The following NUP93 variants were observed in gnomAD, a reference collection of about 807,000 sequenced individuals.
The protein encoded by NUP93 is nucleoporin 93, also known as nuclear pore complex protein Nup93.
In NUP93, 55 loss-of-function variants were observed where a neutral mutation model predicts 107.8. The observed-to-expected ratio is 0.51, with a 90% confidence interval of 0.41 to 0.64. The LOEUF (loss-of-function observed/expected upper bound fraction) is 0.64. NUP93 is among the 30% of genes least tolerant of loss of function. The pLI, the probability that NUP93 is intolerant of heterozygous loss-of-function variation, is 0.00. For missense variants in NUP93, 937 were observed against 1,044.7 expected (o/e 0.90, Z 1.42); for synonymous variants, 390 against 397.5 (o/e 0.98, Z 0.22).
intron 6 of NUP93, 150 bp downstream of exon 6, chr16:56,818,888 C>G: frequency 1.6e-6 from 1 of 627,492 alleles, no homozygotes; most frequent in Admixed American, 3.0e-5. Flanking sequence ...GCATAGGCCA[C>G]TGGAGAATTC....
chr16:56,784,449 A>T (rs1166029119), intron 3 of NUP93, among the ~76,000 whole-genome samples: 1 of 152,206 alleles, frequency 6.6e-6, no homozygotes, highest in Non-Finnish European at 1.5e-5. Flanking sequence ...AGTGCCTTCT[A>T]CTTAATTAAT....
At chr16:56,808,644 A>C (rs1596823669) in intron 5 of NUP93, among the ~76,000 whole-genome samples, 1 of 136,174 alleles carries the variant, frequency 7.3e-6, no homozygotes, top group East Asian at 2.1e-4. Context: ...ATTTATATAA[A>C]TATATAAAAA....
chr16:56,831,108 G>A (rs1403727230), intron 10 of NUP93, among the ~76,000 whole-genome samples: 4 of 152,220 alleles, frequency 2.6e-5, no homozygotes, highest in Non-Finnish European at 4.4e-5. Context: ...GCTAGAATTA[G>A]AAGTTAGTAA....
At chr16:56,773,503 C>G (rs1962358797) in intron 3 of NUP93, among the ~76,000 whole-genome samples, 1 of 152,202 alleles carries the variant, frequency 6.6e-6, no homozygotes, top group African/African-American at 2.4e-5. Flanking sequence ...GTTTAATTTC[C>G]TCCTCCATTC....
At chr16:56,818,431 C>G (rs1963477427) in intron 5 of NUP93, among the ~76,000 whole-genome samples, 1 of 152,162 alleles carries the variant, frequency 6.6e-6, no homozygotes, top group African/African-American at 2.4e-5. Flanking sequence ...GTTTATGCAG[C>G]CCCTCACTCT....
intron 12 of NUP93, among the ~76,000 whole-genome samples, chr16:56,832,840 C>T (rs535916298): frequency 1.3e-5 from 2 of 152,286 alleles, no homozygotes; most frequent in African/African-American, 4.8e-5. Context: ...TGTGAGTAAA[C>T]TGAAACTCCT....
chr16:56,806,351 ACT>A (rs1296141720), intron 5 of NUP93, among the ~76,000 whole-genome samples: 8 of 151,472 alleles, frequency 5.3e-5, no homozygotes, highest in Admixed American at 5.3e-4. Flanking sequence ...CACTTTTAAC[ACT>A]CTGGTACAAA....
At chr16:56,828,604 A>C (rs1413543459) in intron 8 of NUP93, among the ~76,000 whole-genome samples, 3 of 152,236 alleles carry the variant, frequency 2.0e-5, no homozygotes, top group Non-Finnish European at 4.4e-5. Flanking sequence ...TCATTGAACT[A>C]TTCTTTTAAT....
rs188243427 is a variant in NUP93 at position 56,830,599 on chromosome 16, C to T, written c.999C>T (p.Ala333=). Residue 333 remains alanine (A), a synonymous_variant, in exon 10 of 22, where the codon GCC becomes GCT. Coordinates refer to ENST00000308159, the MANE Select transcript of NUP93 (RefSeq NM_014669.5). ...GCATGCGCTGTGGAGACCTGCTTGC[C>T]GCTTCACAGGTAGTTAATCGAGCCC... ...YYCMRCGDLL[A]ASQVVNRAQH... 292 of 1,610,994 alleles carry T rather than the reference C, an allele frequency of 1.8e-4. 3 individuals carry two copies. The Admixed American group carries it at 4.3e-3, about 24-fold the overall frequency.
At chr16:56,813,247 C>T (rs1326318579) in intron 5 of NUP93, among the ~76,000 whole-genome samples, 1 of 152,184 alleles carries the variant, frequency 6.6e-6, no homozygotes, top group East Asian at 1.9e-4. Flanking sequence ...TTTTACATCT[C>T]AACATCTCTC....
intron 6 of NUP93, among the ~76,000 whole-genome samples, chr16:56,819,575 T>G (rs890777170): frequency 1.3e-5 from 2 of 152,132 alleles, no homozygotes; most frequent in African/African-American, 4.8e-5. Flanking sequence ...ATTATCCACC[T>G]CATCCTCCTC....
chr16:56,730,515 C>T (rs528771296), intron 1 of NUP93, among the ~76,000 whole-genome samples: 4 of 152,282 alleles, frequency 2.6e-5, no homozygotes, highest in African/African-American at 4.8e-5. Flanking sequence ...CCTGCCCTCA[C>T]CTCCACCTCG....
chr16:56,828,388 T>C (rs1963713037), intron 8 of NUP93, among the ~76,000 whole-genome samples: 1 of 152,102 alleles, frequency 6.6e-6, no homozygotes, highest in Non-Finnish European at 1.5e-5. Context: ...AATGTTAAGT[T>C]TCTTGGTATC....
In NUP93 at chr16:56,743,345, C is replaced by T. The variant is rs543211419; in HGVS notation, c.-14-4889C>T. ...TTTTAGACACTAAATGACAGGTGAA[C>T]GCAGACCAGCATGAGGAAGTAGAAG... On this transcript the variant is annotated intron_variant, in intron 1 of 21. Transcript: ENST00000308159. Among the ~76,000 whole-genome samples the T allele has an allele frequency of 3.9e-5, 6 of 152,244 alleles. No homozygotes were observed. The South Asian group carries it at 8.3e-4, about 21-fold the overall frequency.
intron 2 of NUP93, among the ~76,000 whole-genome samples, chr16:56,757,921 C>CTGT (rs1175715410): frequency 6.6e-6 from 1 of 152,116 alleles, no homozygotes; most frequent in Non-Finnish European, 1.5e-5. Context: ...TCTACGGAGG[C>CTGT]TGTAAGTGTA....
chr16:56,827,821 C>A (rs1239956354), intron 8 of NUP93, among the ~76,000 whole-genome samples: 2 of 152,172 alleles, frequency 1.3e-5, no homozygotes, highest in African/African-American at 4.8e-5. Context: ...CAGTAGAGTG[C>A]TTTAAAGGCA....
In NUP93 at chr16:56,849,218, A is replaced by G. The variant is rs1321493904; in HGVS notation, c.*4609A>G. Reference sequence around the variant, plus strand: ...GGAGAATAATGTCTCCCAGGATCAAATGAGACTCAGGGCTGTTCCTTCAAA... The same window carrying G: ...GGAGAATAATGTCTCCCAGGATCAAGTGAGACTCAGGGCTGTTCCTTCAAA... On this transcript the variant is annotated 3_prime_UTR_variant, in exon 22 of 22. Coordinates refer to ENST00000308159, the MANE Select transcript of NUP93 (RefSeq NM_014669.5). The G allele has an allele frequency of 6.6e-6, 1 of 152,266 alleles. No homozygotes were observed. The highest frequency in any genetic ancestry group is 1.5e-5 in the Non-Finnish European group (1 of 68,060). 9.4% of individuals were successfully genotyped at this position (152,266 alleles called of 1,614,324 possible). A position where few individuals can be genotyped will look rare whatever the true frequency, so the allele number is the denominator to read the frequency against.
Position 56,757,461 on chromosome 16 carries a change from T to TAGACTAGACC in NUP93, c.180-1066_180-1057dup, listed in dbSNP as rs1962045303. On this transcript the variant is annotated intron_variant, in intron 2 of 21. Coordinates refer to ENST00000308159, the MANE Select transcript of NUP93 (RefSeq NM_014669.5). The stretch of plus-strand genomic sequence containing the variant: ...GACCCTGTCTGAAAATAAAATAAAA[T>TAGACTAGACC]AGACTAGACCAGACTAGACCCGACC... Among the ~76,000 whole-genome samples, 8 of 152,036 alleles carry TAGACTAGACC rather than the reference T, an allele frequency of 5.3e-5. No homozygotes were observed. The South Asian group carries it at 8.3e-4, about 16-fold the overall frequency.
intron 1 of NUP93, among the ~76,000 whole-genome samples, chr16:56,739,579 C>T (rs1186819510): frequency 1.1e-5 from 1 of 91,450 alleles, no homozygotes; most frequent in Non-Finnish European, 2.3e-5. Flanking sequence ...GGGGGGCTGA[C>T]CCCCCCACCT....
Sources: gnomAD v4.1 joint callset for allele counts (sites outside exome capture counted in the v4.1 genomes callset) on GRCh38, gnomAD v4.1.1 for gene constraint, MANE v1.5 for transcripts, NCBI Gene and HGNC (gene_info 2026-07-23, HGNC 2026-07-21) for gene names.